KIF4A: variants seen among roughly 807,000 people sequenced by gnomAD.
KIF4A encodes the protein chromosome-associated kinesin KIF4A.
Under a neutral mutation model 105.9 loss-of-function variants are expected in KIF4A, and 7 were observed. That is an observed-to-expected ratio of 0.07 (90% CI 0.04 to 0.12). The LOEUF is 0.12. Ranked by LOEUF, KIF4A falls within the 10% of genes least tolerant of loss-of-function variation. The probability of loss-of-function intolerance (pLI) is 1.00; values close to 1 mark genes in which losing one functional copy is unlikely to be tolerated. For missense variants in KIF4A, 558 were observed against 929.2 expected, an observed-to-expected ratio of 0.60 and a Z score of 5.19; for synonymous variants, 281 against 331.3, an observed-to-expected ratio of 0.85 and a Z score of 1.65.
chrX:70,329,125 T>C (rs2085921041), intron 7 of KIF4A, among the ~76,000 whole-genome samples: 1 of 112,114 alleles, frequency 8.9e-6, no homozygotes, highest in Admixed American at 9.4e-5. Flanking sequence ...TAAATAACTA[T>C]ACAGATGGTT....
chrX:70,398,388 A>T lies in KIF4A; in HGVS notation c.2489+2339A>T, dbSNP rs191312191. Among the ~76,000 whole-genome samples the T allele has an allele frequency of 3.6e-5, 4 of 112,396 alleles. No individual in the cohort carries two copies. In the East Asian group the frequency reaches 1.1e-3, roughly 32 times the overall value. ...TATTAAAAATTTACCTACATACCAT[A>T]TGCGTAAGTAAATGATTATGTAAAT... On this transcript the variant is annotated intron_variant, in intron 22 of 30. Coordinates refer to ENST00000374403, the MANE Select transcript of KIF4A (RefSeq NM_012310.5).
intron 20 of KIF4A, among the ~76,000 whole-genome samples, chrX:70,390,692 T>C (rs1453300027): frequency 9.0e-6 from 1 of 111,676 alleles, no homozygotes; most frequent in Non-Finnish European, 1.9e-5. Flanking sequence ...TTTGACAACA[T>C]GTACAGTTGT....
intron 29 of KIF4A, 28 bp from the exon 30 acceptor site, chrX:70,419,633 A>T: frequency 8.3e-7 from 1 of 1,208,687 alleles, no homozygotes; most frequent in Non-Finnish European, 1.1e-6. Context: ...AGCCAAATTT[A>T]TAATATGCCT....
intron 15 of KIF4A, among the ~76,000 whole-genome samples, chrX:70,368,401 TGATGGTGACCTACA>T (rs1175971874): frequency 4.5e-5 from 5 of 112,186 alleles, no homozygotes; most frequent in African/African-American, 1.6e-4. Context: ...TGGTCTTTGA[TGATGGTGACCTACA>T]GATGGGGTTT....
chrX:70,290,935 A>G, intron 3 of KIF4A, 130 bp downstream of exon 3: 1 of 468,050 alleles, frequency 2.1e-6, no homozygotes, highest in South Asian at 3.4e-5. Flanking sequence ...AGAAGCCCTT[A>G]GCCTAATAAC....
In KIF4A at chrX:70,353,856, A is replaced by T. The variant is rs1374042600; in HGVS notation, c.1674+49A>T. ...TTTGTTCATGTCTACAGTCTCTTAA[A>T]CTGAATGGGAAGAAAACAACAAGCA... On this transcript the variant is annotated intron_variant, in intron 15 of 30. Transcript: ENST00000374403. The T allele has an allele frequency of 1.3e-5, 13 of 973,729 alleles. No homozygotes were observed. In the South Asian group the frequency reaches 3.4e-4, roughly 25 times the overall value. The allele number at this position is 973,729 out of a possible 1,213,427, so 80.2% of individuals were successfully genotyped here.
At chrX:70,399,146 C>T (rs996071208) in intron 22 of KIF4A, among the ~76,000 whole-genome samples, 2 of 112,303 alleles carry the variant, frequency 1.8e-5, no homozygotes. Flanking sequence ...ACACAGAAAG[C>T]ACTTCTACTG....
chrX:70,414,247 T>G (rs2086334294), intron 28 of KIF4A, among the ~76,000 whole-genome samples: 1 of 111,923 alleles, frequency 8.9e-6, no homozygotes, highest in Non-Finnish European at 1.9e-5. Flanking sequence ...TAAAGTGATA[T>G]ATATTATTCT....
At chrX:70,388,339 C>T (rs1397469477) in intron 20 of KIF4A, among the ~76,000 whole-genome samples, 1 of 111,403 alleles carries the variant, frequency 9.0e-6, no homozygotes, top group Non-Finnish European at 1.9e-5. Context: ...TTGGCTCTTA[C>T]AAATATTGCA....
chrX:70,365,366 A>T (rs1180145814), intron 15 of KIF4A, among the ~76,000 whole-genome samples: 1 of 111,460 alleles, frequency 9.0e-6, no homozygotes, highest in Non-Finnish European at 1.9e-5. Flanking sequence ...TCAGTATGAT[A>T]TTGGCTGTGG....
intron 5 of KIF4A, among the ~76,000 whole-genome samples, chrX:70,300,383 T>G (rs1040098077): frequency 1.8e-5 from 2 of 111,530 alleles, no homozygotes; most frequent in African/African-American, 6.5e-5. Flanking sequence ...TAAGAGTTGT[T>G]TGAGGTGAGA....
At chrX:70,406,842 A>C (rs2086302089) in intron 27 of KIF4A, 51 bp from the exon 28 acceptor site, 1 of 1,125,779 alleles carries the variant, frequency 8.9e-7, no homozygotes, top group African/African-American at 1.8e-5. Context: ...ATGCATATAT[A>C]GTTTTTAGTT....
chrX:70,299,081 T>G, intron 4 of KIF4A, 32 bp from the exon 5 acceptor site: 2 of 1,147,729 alleles, frequency 1.7e-6, no homozygotes, highest in Non-Finnish European at 2.4e-6. Context: ...GTTAACATCT[T>G]GTTTTTGCCA....
chrX:70,362,310 G>C (rs144267082), intron 15 of KIF4A: 13 of 331,994 alleles, frequency 3.9e-5, no homozygotes, highest in African/African-American at 2.7e-4. Flanking sequence ...CTCTTTCTCC[G>C]TGGGGGTGCT....
intron 3 of KIF4A, among the ~76,000 whole-genome samples, chrX:70,293,551 G>A (rs985805014): frequency 2.7e-5 from 3 of 111,932 alleles, no homozygotes; most frequent in East Asian, 5.6e-4. Flanking sequence ...ATTATTAGGC[G>A]GTTTTGTCAT....
intron 10 of KIF4A, among the ~76,000 whole-genome samples, chrX:70,334,100 G>C (rs1290903838): frequency 9.0e-6 from 1 of 111,498 alleles, no homozygotes; most frequent in African/African-American, 3.3e-5. Flanking sequence ...ATTTCTACAA[G>C]AGGTTCCAAA....
rs1398632451 is a variant in KIF4A at position 70,403,007 on chromosome X, T to C, written c.2619+312T>C. Among the ~76,000 whole-genome samples, 3 of 112,210 alleles carry C rather than the reference T, an allele frequency of 2.7e-5. No homozygotes were observed. The East Asian group carries it at 8.3e-4, about 31-fold the overall frequency. The stretch of plus-strand genomic sequence containing the variant: ...GTCACTGGCTAAACATCAACTGTTA[T>C]ACTGTACTACTTTTTAAAACCCCTA... On this transcript the variant is annotated intron_variant, in intron 23 of 30. Transcript: ENST00000374403.
At position 70,365,541 on chromosome X, in the gene KIF4A, A is replaced by G. The variant is rs998943606; in HGVS notation, c.1675-8610A>G. On this transcript the variant is annotated intron_variant, in intron 15 of 30. Transcript: ENST00000374403. ...ATTGGTTCTGTTTATATGCTGGATT[A>G]CGTTTATTGATTTTCGTATGTTGAA... 3.6e-5 allele frequency among the ~76,000 whole-genome samples: 4 copies of G among 112,055 alleles called. No homozygotes were observed. The Admixed American group carries it at 3.8e-4, about 11-fold the overall frequency.
chrX:70,391,763 C>T (rs1375133437), intron 20 of KIF4A, among the ~76,000 whole-genome samples: 3 of 111,047 alleles, frequency 2.7e-5, no homozygotes, highest in African/African-American at 9.8e-5. Context: ...AGTCCTCACC[C>T]TCCTCCCACC....
Sources: gnomAD v4.1 joint callset for allele counts (sites outside exome capture counted in the v4.1 genomes callset) on GRCh38, gnomAD v4.1.1 for gene constraint, MANE v1.5 for transcripts, NCBI Gene and HGNC (gene_info 2026-07-23, HGNC 2026-07-21) for gene names.